Variants in F13A1 observed in about 807,000 individuals in gnomAD.
F13A1 encodes coagulation factor XIII A chain, also known as FSF, A subunit.
Under a neutral mutation model 80.1 loss-of-function variants are expected in F13A1, and 47 were observed. The ratio of observed to expected loss-of-function variants is 0.59; its 90% CI spans 0.46 to 0.75. The LOEUF is 0.75. F13A1 is among the 30% of genes least tolerant of loss of function. F13A1 has a pLI of 0.00. For synonymous variants in F13A1, 349 were observed against 344.9 expected, an observed-to-expected ratio of 1.01 and a Z score of -0.13; for missense variants, 817 against 930.4, an observed-to-expected ratio of 0.88 and a Z score of 1.59.
chr6:6,190,390 A>G (rs1272038058), intron 10 of F13A1, among the ~76,000 whole-genome samples: 3 of 151,938 alleles, frequency 2.0e-5, no homozygotes, highest in Non-Finnish European at 4.4e-5. Flanking sequence ...GGTGATGTAC[A>G]GATGGGTTTT....
chr6:6,146,906 C>G (rs544628437), intron 14 of F13A1, among the ~76,000 whole-genome samples: 1 of 152,224 alleles, frequency 6.6e-6, no homozygotes, highest in African/African-American at 2.4e-5. Flanking sequence ...ATGGAACCAG[C>G]CCAAATGCCC....
intron 4 of F13A1, among the ~76,000 whole-genome samples, chr6:6,254,181 G>T (rs1212566215): frequency 6.6e-6 from 1 of 151,640 alleles, no homozygotes; most frequent in Non-Finnish European, 1.5e-5. Flanking sequence ...GGTATGAAGA[G>T]ATGGATACTC....
At chr6:6,163,368 T>C (rs1760606075) in intron 13 of F13A1, among the ~76,000 whole-genome samples, 2 of 152,240 alleles carry the variant, frequency 1.3e-5, no homozygotes, top group Admixed American at 6.5e-5. Flanking sequence ...CAGGGGTACA[T>C]GTGCAGGTTT....
intron 10 of F13A1, among the ~76,000 whole-genome samples, chr6:6,194,740 T>C (rs1247442245): frequency 2.6e-5 from 4 of 152,214 alleles, no homozygotes; most frequent in African/African-American, 9.6e-5. Flanking sequence ...GACTTGAACC[T>C]TAGAATTCCC....
chr6:6,295,296 T>C (rs960609058), intron 3 of F13A1, among the ~76,000 whole-genome samples: 32 of 148,756 alleles, frequency 2.2e-4, no homozygotes, highest in Non-Finnish European at 4.4e-4. Flanking sequence ...TATTTCTAGT[T>C]CTAGATCTCT....
chr6:6,182,355 G>A (rs986843493), intron 10 of F13A1, among the ~76,000 whole-genome samples: 26 of 152,162 alleles, frequency 1.7e-4, no homozygotes, highest in African/African-American at 6.3e-4. Context: ...AAGATTATTT[G>A]AGGCTGAGAT....
chr6:6,268,760 C>T (rs967120253), intron 3 of F13A1, among the ~76,000 whole-genome samples: 61 of 150,602 alleles, frequency 4.1e-4, no homozygotes, highest in Middle Eastern at 3.4e-3. Context: ...ATAGTCTCAG[C>T]TCACTGCAAC....
At chr6:6,178,445 G>A (rs1760923331) in intron 11 of F13A1, among the ~76,000 whole-genome samples, 1 of 152,178 alleles carries the variant, frequency 6.6e-6, no homozygotes, top group Non-Finnish European at 1.5e-5. Flanking sequence ...CTAAATTTGA[G>A]TGGATGGTGG....
intron 6 of F13A1, among the ~76,000 whole-genome samples, chr6:6,236,248 T>A (rs1489073978): frequency 6.6e-6 from 1 of 152,134 alleles, no homozygotes; most frequent in African/African-American, 2.4e-5. Flanking sequence ...TGGGTACATA[T>A]ACATGTCAAC....
chr6:6,215,627 G>T, intron 8 of F13A1, among the ~76,000 whole-genome samples: 1 of 150,506 alleles, frequency 6.6e-6, no homozygotes, highest in African/African-American at 2.5e-5. Flanking sequence ...GCACAGACAG[G>T]GATGCCCTCT....
At chr6:6,183,331 A>G (rs1454259551) in intron 10 of F13A1, among the ~76,000 whole-genome samples, 1 of 152,238 alleles carries the variant, frequency 6.6e-6, no homozygotes, top group African/African-American at 2.4e-5. Flanking sequence ...AGTGTCTGGC[A>G]TAGAGTAAAT....
chr6:6,294,602 T>C (rs1758289939), intron 3 of F13A1, among the ~76,000 whole-genome samples: 1 of 150,906 alleles, frequency 6.6e-6, no homozygotes, highest in Non-Finnish European at 1.5e-5. Flanking sequence ...ATATATCCTA[T>C]TAGGTCTGTC....
Position 6,260,999 on chromosome 6 carries a change from C to G in F13A1, c.571+5559G>C, listed in dbSNP as rs1042483436. On this transcript the variant is annotated intron_variant, in intron 4 of 14. Transcript: ENST00000264870. ...GTTTTTGTTTTTTGAGATGGAGTCTCACTCTGTGGCCCAGGCTGGAGTGCA... is the reference window on the plus strand; with the variant it reads ...GTTTTTGTTTTTTGAGATGGAGTCTGACTCTGTGGCCCAGGCTGGAGTGCA... Among the ~76,000 whole-genome samples the G allele has an allele frequency of 9.2e-5, 14 of 152,174 alleles. 1 individual carries two copies. The highest frequency in any genetic ancestry group is 6.5e-5 in the Admixed American group (1 of 15,278).
chr6:6,276,619 T>C (rs1334182834), intron 3 of F13A1, among the ~76,000 whole-genome samples: 1 of 152,146 alleles, frequency 6.6e-6, no homozygotes, highest in African/African-American at 2.4e-5. Flanking sequence ...AGCTCTAGGC[T>C]ACATAGCTAT....
intron 13 of F13A1, among the ~76,000 whole-genome samples, chr6:6,155,727 CAT>C (rs1036319765): frequency 2.0e-5 from 3 of 152,180 alleles, no homozygotes; most frequent in Non-Finnish European, 4.4e-5. Context: ...GCTGCCAACA[CAT>C]AGTGTTTTCA....
At chr6:6,232,212 T>TAACA (rs1757362655) in intron 6 of F13A1, among the ~76,000 whole-genome samples, 1 of 152,152 alleles carries the variant, frequency 6.6e-6, no homozygotes, top group Non-Finnish European at 1.5e-5. Context: ...GAAACTCACC[T>TAACA]AACACATAAG....
chr6:6,168,888 C>A (rs1367084561), intron 12 of F13A1, among the ~76,000 whole-genome samples: 1 of 152,178 alleles, frequency 6.6e-6, no homozygotes, highest in African/African-American at 2.4e-5. Context: ...AACTCTCACA[C>A]CTGCGATGGA....
At chr6:6,261,470 C>G (rs989624000) in intron 4 of F13A1, among the ~76,000 whole-genome samples, 1 of 152,220 alleles carries the variant, frequency 6.6e-6, no homozygotes, top group Non-Finnish European at 1.5e-5. Flanking sequence ...TAAGTGTTGA[C>G]CCCGACCAGC....
At chr6:6,234,502 A>T (rs1757390872) in intron 6 of F13A1, among the ~76,000 whole-genome samples, 1 of 151,962 alleles carries the variant, frequency 6.6e-6, no homozygotes, top group Non-Finnish European at 1.5e-5. Flanking sequence ...GGGGTGAGAA[A>T]ACTCTATATA....
Sources: gnomAD v4.1 joint callset for allele counts (sites outside exome capture counted in the v4.1 genomes callset) on GRCh38, gnomAD v4.1.1 for gene constraint, MANE v1.5 for transcripts, NCBI Gene and HGNC (gene_info 2026-07-23, HGNC 2026-07-21) for gene names.